Variants in AFF1 observed in about 807,000 individuals in gnomAD.
AFF1 encodes the protein ALF transcription elongation factor 1, also known as AF4/FMR2 family member 1.
A neutral mutation model predicts 121.7 loss-of-function variants in AFF1; 48 were observed. The ratio of observed to expected loss-of-function variants is 0.39; its 90% CI spans 0.31 to 0.50. The LOEUF is 0.50. AFF1 is among the 20% of genes least tolerant of loss of function. The probability of loss-of-function intolerance (pLI) is 0.76; values close to 1 mark genes in which losing one functional copy is unlikely to be tolerated. For synonymous variants in AFF1, 613 were observed against 563.0 expected (o/e 1.09, Z -1.26); for missense variants, 1,523 against 1,511.7 (o/e 1.01, Z -0.12).
At chr4:87,034,196 G>T (rs1219720488) in intron 2 of AFF1, among the ~76,000 whole-genome samples, 1 of 152,212 alleles carries the variant, frequency 6.6e-6, no homozygotes, top group Non-Finnish European at 1.5e-5. Flanking sequence ...TGCAAACGGG[G>T]ATTAGCGATG....
At chr4:86,985,361 A>C (rs760847805) in intron 2 of AFF1, among the ~76,000 whole-genome samples, 1 of 151,278 alleles carries the variant, frequency 6.6e-6, no homozygotes, top group Non-Finnish European at 1.5e-5. Flanking sequence ...AAATACAAAA[A>C]TTAGCTGGGT....
intron 19 of AFF1, 46 bp downstream of exon 19, chr4:87,132,454 C>A (rs777901864): frequency 1.0e-5 from 16 of 1,544,568 alleles, no homozygotes; most frequent in Non-Finnish European, 1.3e-5. Context: ...TGAGTCATTT[C>A]TTTATTTACT....
At chr4:87,093,375 G>A (rs1333570198) in intron 7 of AFF1, among the ~76,000 whole-genome samples, 1 of 152,160 alleles carries the variant, frequency 6.6e-6, no homozygotes, top group Non-Finnish European at 1.5e-5. Context: ...TGAAGAGGAT[G>A]GTGGGGTATG....
At chr4:86,993,337 G>C (rs1293308759) in intron 2 of AFF1, among the ~76,000 whole-genome samples, 1 of 152,166 alleles carries the variant, frequency 6.6e-6, no homozygotes, top group African/African-American at 2.4e-5. Flanking sequence ...GATCATTGTG[G>C]CTTGCCTATA....
chr4:87,122,204 G>A (rs538849346), intron 12 of AFF1, among the ~76,000 whole-genome samples: 5 of 152,266 alleles, frequency 3.3e-5, no homozygotes, highest in East Asian at 3.9e-4. Flanking sequence ...TTCTTGGGCC[G>A]GCTATACTGC....
At chr4:87,017,940 T>TAAA (rs11410710) in intron 2 of AFF1, among the ~76,000 whole-genome samples, 24 of 148,490 alleles carry the variant, frequency 1.6e-4, no homozygotes, top group South Asian at 6.3e-4. Flanking sequence ...TCGTTCTATT[T>TAAA]AAAAAAAAAA....
At chr4:87,068,258 C>CCT (rs1721588837) in intron 4 of AFF1, among the ~76,000 whole-genome samples, 1 of 7,510 alleles carries the variant, frequency 1.3e-4, no homozygotes, top group Non-Finnish European at 2.9e-4. Context: ...ATGAAAATTG[C>CCT]CCCCCCCCCA....
In AFF1 at chr4:87,094,906, C is replaced by T. The variant is rs1440295367; in HGVS notation, c.1229-9C>T. 6.2e-7 allele frequency: 1 copy of T among 1,612,654 alleles called. No homozygotes were observed. Among genetic ancestry groups the T allele is most frequent in the African/African-American group, 1.3e-5 (1 of 74,848 alleles). ...CATTGTGCTGCTTTGATGTTTCTCT[C>T]CCCCACAGAACAATATGATACATCT... On this transcript the variant is annotated splice_polypyrimidine_tract_variant and intron_variant, in intron 7 of 20. Coordinates refer to ENST00000395146, the MANE Select transcript of AFF1 (RefSeq NM_001166693.3).
At chr4:87,127,170 C>CCA in intron 15 of AFF1, 53 bp downstream of exon 15, 6 of 1,293,498 alleles carry the variant, frequency 4.6e-6, no homozygotes, top group South Asian at 3.6e-5. Context: ...TTTGCTTCCC[C>CCA]CCCCCACCAA....
chr4:87,126,136 A>G lies in AFF1; in HGVS notation c.2611A>G (p.Met871Val). The G allele has an allele frequency of 1.9e-6, 3 of 1,614,052 alleles. No individual in the cohort carries two copies. Among genetic ancestry groups the G allele is most frequent in the African/African-American group, 1.3e-5 (1 of 75,004 alleles). ...CTCCTCACAGTCCTCAAAGAAGGAA[A>G]TGCTCCCCCCGCCACCCGTGTCCTC... ...RPSSQSSKKEMLPPPPVSSSS... is the reference protein window; with the variant it reads ...RPSSQSSKKEVLPPPPVSSSS... Residue 871 changes from methionine (M) to valine (V), a missense_variant, in exon 14 of 21, where the codon ATG becomes GTG. Met to Val is a conservative substitution (Grantham distance 21, BLOSUM62 1). This residue lies in a region of AFF1 where 905 missense variants were observed against 842.5 expected (regional missense o/e 1.07). Coordinates refer to ENST00000395146, the MANE Select transcript of AFF1 (RefSeq NM_001166693.3).
intron 4 of AFF1, among the ~76,000 whole-genome samples, chr4:87,054,014 G>A (rs1043204738): frequency 2.0e-5 from 3 of 152,226 alleles, no homozygotes; most frequent in Non-Finnish European, 4.4e-5. Flanking sequence ...GGAATAGCAT[G>A]TGCCACTGGC....
chr4:87,058,226 TTCCAGCGCTCCA>T (rs1211819172), intron 4 of AFF1, among the ~76,000 whole-genome samples: 1 of 152,166 alleles, frequency 6.6e-6, no homozygotes, highest in African/African-American at 2.4e-5. Context: ...TGGCTCCTAG[TTCCAGCGCTCCA>T]TCTGCCACAA....
chr4:87,003,590 C>T (rs1357391240), intron 2 of AFF1, among the ~76,000 whole-genome samples: 1 of 152,170 alleles, frequency 6.6e-6, no homozygotes, highest in Non-Finnish European at 1.5e-5. Context: ...GATCAATTAA[C>T]ATAGTTCAAA....
chr4:87,095,442 G>A (rs1724737458), intron 8 of AFF1, among the ~76,000 whole-genome samples: 1 of 152,166 alleles, frequency 6.6e-6, no homozygotes, highest in Admixed American at 6.5e-5. Context: ...AAGTCCCCCT[G>A]TTGAAGGTCT....
intron 8 of AFF1, 37 bp from the exon 9 acceptor site, chr4:87,105,591 T>A: frequency 1.2e-6 from 2 of 1,612,800 alleles, no homozygotes; most frequent in Non-Finnish European, 1.7e-6. Context: ...AGAAATCATT[T>A]CACATTCATT....
At chr4:87,026,061 C>CT (rs34793575) in intron 2 of AFF1, among the ~76,000 whole-genome samples, 48,784 of 109,604 alleles carry the variant, frequency 0.45, 13,111 homozygotes, top group South Asian at 0.66. Context: ...AGAGACCATG[C>CT]TTTTTTTTTT....
chr4:86,953,006 C>A (rs2053774), intron 2 of AFF1, among the ~76,000 whole-genome samples: 2 of 145,192 alleles, frequency 1.4e-5, no homozygotes, highest in Admixed American at 6.9e-5. Flanking sequence ...GATTACAGGC[C>A]TGAGCCATGG....
intron 2 of AFF1, among the ~76,000 whole-genome samples, chr4:86,963,645 AGGGGT>A (rs1722310972): frequency 1.3e-5 from 2 of 152,156 alleles, no homozygotes; most frequent in Admixed American, 6.5e-5. Flanking sequence ...TGAAGTTTAA[AGGGGT>A]TAAGTGGTTT....
intron 2 of AFF1, among the ~76,000 whole-genome samples, chr4:87,038,150 T>C (rs1332168408): frequency 2.0e-5 from 3 of 152,230 alleles, no homozygotes; most frequent in Admixed American, 6.5e-5. Flanking sequence ...GAAATCAGAT[T>C]GTAAGACTTT....
Sources: allele counts gnomAD v4.1 joint callset (sites outside exome capture counted in the v4.1 genomes callset), GRCh38; gene constraint gnomAD v4.1.1; regional missense constraint gnomAD v4.1.1; transcripts MANE v1.5; gene names NCBI Gene and HGNC (gene_info 2026-07-23, HGNC 2026-07-21).